Variants in ULK4 observed in about 807,000 individuals in gnomAD.
ULK4 encodes the protein unc-51 like kinase 4.
ULK4 carries 133 observed loss-of-function variants against 160.6 expected under a neutral mutation model. The observed-to-expected ratio is 0.83, with a 90% CI of 0.72 to 0.96. ULK4 has a LOEUF of 0.96. Ranked by LOEUF, ULK4 falls within the 40% of genes least tolerant of loss-of-function variation. The probability of loss-of-function intolerance (pLI) is 0.00; values close to 1 mark genes in which losing one functional copy is unlikely to be tolerated. For missense variants in ULK4, 1,580 were observed against 1,499.5 expected (o/e 1.05, Z -0.89); for synonymous variants, 534 against 539.8 (o/e 0.99, Z 0.15).
At chr3:41,724,415 C>T (rs2037575361) in intron 22 of ULK4, among the ~76,000 whole-genome samples, 1 of 152,080 alleles carries the variant, frequency 6.6e-6, no homozygotes, top group African/African-American at 2.4e-5. Flanking sequence ...TATACTCCAA[C>T]AGGTAGATAT....
intron 32 of ULK4, among the ~76,000 whole-genome samples, chr3:41,500,762 CG>C (rs2085174261): frequency 6.6e-6 from 1 of 152,102 alleles, no homozygotes; most frequent in East Asian, 1.9e-4. Flanking sequence ...CCCTGGAACT[CG>C]GGGCCAGCAG....
At chr3:41,879,056 T>C (rs1334185536) in intron 17 of ULK4, among the ~76,000 whole-genome samples, 1 of 152,130 alleles carries the variant, frequency 6.6e-6, no homozygotes, top group Non-Finnish European at 1.5e-5. Flanking sequence ...AAGGGACAAT[T>C]TGTCTGTAAC....
intron 32 of ULK4, among the ~76,000 whole-genome samples, chr3:41,487,568 T>C (rs939352514): frequency 3.3e-5 from 5 of 152,166 alleles, no homozygotes; most frequent in Admixed American, 6.5e-5. Flanking sequence ...GATATATGAA[T>C]TCTTGTATAA....
intron 19 of ULK4, among the ~76,000 whole-genome samples, chr3:41,805,797 C>G (rs376987492): frequency 5.0e-4 from 66 of 131,536 alleles, no homozygotes; most frequent in Middle Eastern, 4.2e-3. Context: ...TATTGATTTG[C>G]GTATATTGAA....
intron 27 of ULK4, among the ~76,000 whole-genome samples, chr3:41,684,159 G>A (rs1480711565): frequency 6.6e-6 from 1 of 152,246 alleles, no homozygotes; most frequent in Non-Finnish European, 1.5e-5. Context: ...GCTGCAGTGA[G>A]AAGAGTCATC....
At chr3:41,730,897 T>C (rs1000786228) in intron 22 of ULK4, among the ~76,000 whole-genome samples, 10 of 152,134 alleles carry the variant, frequency 6.6e-5, no homozygotes, top group African/African-American at 2.2e-4. Flanking sequence ...TCAATAAATG[T>C]GATCCATCAC....
intron 17 of ULK4, among the ~76,000 whole-genome samples, chr3:41,841,102 C>A (rs1415759182): frequency 7.1e-6 from 1 of 141,822 alleles, no homozygotes; most frequent in Non-Finnish European, 1.5e-5. Flanking sequence ...GCCCAGCCGC[C>A]ACCCGTCTGG....
Position 41,917,793 on chromosome 3 carries a change from AAGATGGT to A in ULK4, c.727+657_727+663del, listed in dbSNP as rs1699020333. Among the ~76,000 whole-genome samples the A allele has an allele frequency of 2.0e-5, 3 of 152,190 alleles. No individual in the cohort carries two copies. The East Asian group carries it at 5.8e-4, about 29-fold the overall frequency. ...TCAGGAGTTTGAGACCAGCCTGGCC[AAGATGGT>A]GAAACCCCGTCTCTAATAAAAAACA... On this transcript the variant is annotated intron_variant, in intron 7 of 36. Coordinates refer to ENST00000301831, the MANE Select transcript of ULK4 (RefSeq NM_017886.4).
intron 2 of ULK4, among the ~76,000 whole-genome samples, chr3:41,948,168 A>T (rs1700169218): frequency 6.6e-6 from 1 of 151,962 alleles, no homozygotes; most frequent in Non-Finnish European, 1.5e-5. Context: ...AAGAATATTT[A>T]AGCCAGGCGC....
intron 32 of ULK4, among the ~76,000 whole-genome samples, chr3:41,535,658 T>C (rs1029870262): frequency 5.3e-5 from 8 of 152,212 alleles, no homozygotes; most frequent in African/African-American, 1.9e-4. Flanking sequence ...ACTCCTCATG[T>C]GGTCGTGCTT....
intron 30 of ULK4, among the ~76,000 whole-genome samples, chr3:41,636,605 T>G (rs1167870190): frequency 1.3e-5 from 2 of 151,956 alleles, no homozygotes; most frequent in South Asian, 2.1e-4. Flanking sequence ...TATTGTTGTT[T>G]TTTTTTAATT....
At chr3:41,317,063 A>ATTTTTTTTTTTTTTTTTTTTTTTTTTT (rs1164870603) in intron 35 of ULK4, among the ~76,000 whole-genome samples, 1 of 94,550 alleles carries the variant, frequency 1.1e-5, no homozygotes, top group African/African-American at 4.3e-5. Context: ...AATTACATCT[A>ATTTTTTTTTTTTTTTTTTTTTTTTTTT]TTTTTTTTTT....
chr3:41,877,710 G>A (rs1285191102), intron 17 of ULK4, among the ~76,000 whole-genome samples: 5 of 152,010 alleles, frequency 3.3e-5, no homozygotes, highest in Admixed American at 3.3e-4. Context: ...AGCCAGGCGT[G>A]GTGGCTCACC....
intron 9 of ULK4, 139 bp downstream of exon 9, chr3:41,912,668 C>T: frequency 1.5e-6 from 1 of 668,238 alleles, no homozygotes; most frequent in Non-Finnish European, 2.5e-6. Flanking sequence ...CCTCAAGCAA[C>T]CCTTAATTAA....
chr3:41,662,665 T>C (rs1471849344), intron 30 of ULK4, among the ~76,000 whole-genome samples: 7 of 152,162 alleles, frequency 4.6e-5, no homozygotes, highest in Admixed American at 4.6e-4. Context: ...GGTCTGGAGA[T>C]GCACTGCACC....
chr3:41,510,416 C>A (rs981614826), intron 32 of ULK4, among the ~76,000 whole-genome samples: 3 of 152,102 alleles, frequency 2.0e-5, no homozygotes, highest in Admixed American at 6.5e-5. Flanking sequence ...CAGCACTAGA[C>A]AGGTCATCAA....
At chr3:41,713,122 C>T (rs1296117614) in intron 25 of ULK4, among the ~76,000 whole-genome samples, 1 of 151,812 alleles carries the variant, frequency 6.6e-6, no homozygotes, top group Non-Finnish European at 1.5e-5. Context: ...TTTAGGAAGC[C>T]TTTGCCTAAA....
At chr3:41,530,996 T>C (rs2086289670) in intron 32 of ULK4, among the ~76,000 whole-genome samples, 1 of 151,294 alleles carries the variant, frequency 6.6e-6, no homozygotes, top group Non-Finnish European at 1.5e-5. Flanking sequence ...TCTCTTGACC[T>C]CGTGATCTGC....
chr3:41,562,359 T>C (rs1483438025), intron 32 of ULK4, among the ~76,000 whole-genome samples: 1 of 152,174 alleles, frequency 6.6e-6, no homozygotes, highest in South Asian at 2.1e-4. Flanking sequence ...TGGAGAGTTC[T>C]GTAGATGTCT....
Sources: gnomAD v4.1 joint callset for allele counts (sites outside exome capture counted in the v4.1 genomes callset) on GRCh38, gnomAD v4.1.1 for gene constraint, MANE v1.5 for transcripts, NCBI Gene and HGNC (gene_info 2026-07-23, HGNC 2026-07-21) for gene names.